RHBDD3: variants seen among roughly 807,000 people sequenced by gnomAD.
The protein encoded by RHBDD3 is rhomboid domain-containing protein 3.
Under a neutral mutation model 32.3 loss-of-function variants are expected in RHBDD3, and 34 were observed. The observed-to-expected ratio is 1.05, with a 90% CI of 0.80 to 1.40. The LOEUF is 1.40. Among genes scored for constraint, RHBDD3 ranks in the 40% most tolerant of loss-of-function variants. The pLI is 0.00. For missense variants in RHBDD3, 482 were observed against 492.6 expected (o/e 0.98, Z 0.20); for synonymous variants, 249 against 239.1 (o/e 1.04, Z -0.38).
In RHBDD3 at chr22:29,264,110, G is replaced by A. The variant is rs2272902; in HGVS notation, c.257C>T (p.Thr86Met). The change falls in exon 4 of 7, where the codon ACG becomes ATG. Residue 86 changes from threonine (T) to methionine (M), a missense_variant. By Grantham distance (81) the Thr-to-Met change is moderately conservative. Transcript: ENST00000216085. ...VGWQQECHLG[T>M]LRFLHASALL... ...GGCTGAGGCATGCAGGAATCTCAGC[G>A]TGCCCAGGTGGCACTCCTGCTGCCA... 9.7e-5 allele frequency: 154 copies of A among 1,585,694 alleles called. No homozygotes were observed. Among genetic ancestry groups the A allele is most frequent in the East Asian group, 6.4e-4 (28 of 43,858 alleles).
At position 29,260,770 on chromosome 22, in the gene RHBDD3, C is replaced by A. The variant is rs768809242; in HGVS notation, c.627G>T (p.Trp209Cys). 5.0e-6 allele frequency: 8 copies of A among 1,602,680 alleles called. No homozygotes were observed. The highest frequency in any genetic ancestry group is 6.8e-6 in the Non-Finnish European group (8 of 1,176,070). ...GVLCRTLAGCWPLRLLATPGS... is the reference protein window; with the variant it reads ...GVLCRTLAGCCPLRLLATPGS... ...CCGGGGTGGCAAGGAGCCTCAGGGG[C>A]CAGCACCCCGCCAAGGTCCTGCACA... is the stretch of plus-strand genomic sequence containing the variant. Residue 209 changes from tryptophan (W) to cysteine (C), a missense_variant, in exon 5 of 7, where the codon TGG (tryptophan) becomes TGT (cysteine). Coordinates refer to ENST00000216085, the MANE Select transcript of RHBDD3 (RefSeq NM_012265.3).
chr22:29,267,281 C>T (rs943405889), intron 2 of RHBDD3, 145 bp downstream of exon 2: 4 of 152,486 alleles, frequency 2.6e-5, no homozygotes, highest in Non-Finnish European at 4.4e-5. Flanking sequence ...CCTGCATCGA[C>T]ACCTCACAAC....
intron 2 of RHBDD3, 139 bp downstream of exon 2, chr22:29,267,287 A>G (rs1417007739): frequency 6.6e-6 from 1 of 152,540 alleles, no homozygotes; most frequent in Non-Finnish European, 1.5e-5. Flanking sequence ...TCGACACCTC[A>G]CAACCATTCC....
chr22:29,262,590 G>A lies in RHBDD3; in HGVS notation c.532+1245C>T, dbSNP rs566736000. Among the ~76,000 whole-genome samples the A allele has an allele frequency of 3.9e-5, 6 of 152,318 alleles. No individual in the cohort carries two copies. The East Asian group carries it at 1.2e-3, about 29-fold the overall frequency. On this transcript the variant is annotated intron_variant, in intron 4 of 6. Coordinates refer to ENST00000216085, the MANE Select transcript of RHBDD3 (RefSeq NM_012265.3). ...AATTTCTGCAACAACAACAAAGACA[G>A]CTGAGATTTTGATAAGAATTGTGTG...
intron 2 of RHBDD3, 35 bp from the exon 3 acceptor site, chr22:29,265,703 T>C: frequency 2.0e-6 from 3 of 1,492,730 alleles, no homozygotes; most frequent in Non-Finnish European, 1.8e-6. Flanking sequence ...AAGTTATTAC[T>C]GGAGCTTTTA....
chr22:29,260,613 C>A lies in RHBDD3; in HGVS notation c.696G>T (p.Arg232Ser). Residue 232 changes from arginine to serine, a missense_variant and splice_region_variant, in exon 6 of 7, where the codon AGG becomes AGT. Physicochemically the swap from Arg to Ser is moderately radical, Grantham distance 110. Coordinates refer to ENST00000216085, the MANE Select transcript of RHBDD3 (RefSeq NM_012265.3). ...CATAAGGCGGTCCAGGGATGGGAGG[C>A]CTGGAGGAGTGGGAAGAGAAGAGGG... ...ELPVTHPAGVRPPIPGPPYVA... is the reference protein window; with the variant it reads ...ELPVTHPAGVSPPIPGPPYVA... 6.3e-7 allele frequency: 1 copy of A among 1,586,330 alleles called. No individual in the cohort carries two copies. The highest frequency in any genetic ancestry group is 8.6e-7 in the Non-Finnish European group (1 of 1,165,310).
At chr22:29,267,056 T>C (rs1007522640) in intron 2 of RHBDD3, among the ~76,000 whole-genome samples, 1 of 152,130 alleles carries the variant, frequency 6.6e-6, no homozygotes, top group African/African-American at 2.4e-5. Flanking sequence ...TTCCCCAGGG[T>C]ATTCACAGCA....
At chr22:29,263,474 G>A (rs549790030) in intron 4 of RHBDD3, among the ~76,000 whole-genome samples, 32 of 152,342 alleles carry the variant, frequency 2.1e-4, no homozygotes, top group Non-Finnish European at 1.9e-4. Context: ...CACTGCGCCC[G>A]GTCAGGCTTT....
At position 29,260,677 on chromosome 22, in the gene RHBDD3, C is replaced by T. The variant is rs375086511; in HGVS notation, c.695+25G>A. 4.7e-4 allele frequency: 722 copies of T among 1,552,364 alleles called. 1 individual carries two copies. Among genetic ancestry groups the T allele is most frequent in the Admixed American group, 9.1e-4 (48 of 52,578 alleles). On this transcript the variant is annotated intron_variant, in intron 5 of 6. Transcript: ENST00000216085. ...CCTGCCACAGTGCCCACCACCTGGA[C>T]TGGCATCCCCCCCATCACCCTCACC...
In RHBDD3 at chr22:29,265,443, C is replaced by T. The variant is rs1182204501; in HGVS notation, c.148+36G>A. On this transcript the variant is annotated intron_variant, in intron 3 of 6. Coordinates refer to ENST00000216085, the MANE Select transcript of RHBDD3 (RefSeq NM_012265.3). ...TGGGCCCAGGCCCTACAGCAAGTCT[C>T]CTGCTTCCTCCAAGGTCCACGTGGC... 4.1e-6 allele frequency: 6 copies of T among 1,477,668 alleles called. No individual in the cohort carries two copies. In the African/African-American group the frequency reaches 7.3e-5, roughly 18 times the overall value. The allele number at this position is 1,477,668 out of a possible 1,614,324, so 91.5% of individuals were successfully genotyped here. A position where few individuals can be genotyped will look rare whatever the true frequency, so the allele number is the denominator to read the frequency against.
chr22:29,264,154 C>T lies in RHBDD3; in HGVS notation c.213G>A (p.Leu71=), dbSNP rs2058151455. Residue 71 remains leucine, a synonymous_variant, in exon 4 of 7, where the codon CTG becomes CTA. Transcript: ENST00000216085. ...GCTGCCAGCCCACAGTGGGCAGGAG[C>T]AGCAGGCTCAGGAGCAGGCCTGGCA... ...TALPGLLLSL[L]LLPTVGWQQE... The T allele has an allele frequency of 6.3e-7, 1 of 1,585,070 alleles. No homozygotes were observed. Among genetic ancestry groups the T allele is most frequent in the Non-Finnish European group, 8.6e-7 (1 of 1,167,206 alleles).
At chr22:29,266,141 A>G (rs1001671337) in intron 2 of RHBDD3, among the ~76,000 whole-genome samples, 1 of 152,198 alleles carries the variant, frequency 6.6e-6, no homozygotes, top group Non-Finnish European at 1.5e-5. Context: ...GCAGATGGGC[A>G]GAAGTCCCAC....
Position 29,264,377 on chromosome 22 carries a change from G to A in RHBDD3, c.149-159C>T, listed in dbSNP as rs1264981350. 11 of 1,428,736 alleles carry A rather than the reference G, an allele frequency of 7.7e-6. No individual in the cohort carries two copies. In the African/African-American group the frequency reaches 1.6e-4, roughly 21 times the overall value. The allele number at this position is 1,428,736 out of a possible 1,614,324, so 88.5% of individuals were successfully genotyped here. A position where few individuals can be genotyped will look rare whatever the true frequency, so the allele number is the denominator to read the frequency against. ...TTCCCACAGCCAGCACTTAATCATT[G>A]GTGGAAGGGACCAAGGACTTCCAAA... On this transcript the variant is annotated intron_variant, in intron 3 of 6. Coordinates refer to ENST00000216085, the MANE Select transcript of RHBDD3 (RefSeq NM_012265.3).
At chr22:29,260,989 G>T in intron 4 of RHBDD3, 125 bp from the exon 5 acceptor site, 8 of 953,778 alleles carry the variant, frequency 8.4e-6, no homozygotes, top group Non-Finnish European at 1.2e-5. Flanking sequence ...CCTCACTGTG[G>T]ACCAGCATGG....
rs753169220 is a variant in RHBDD3 at position 29,260,909 on chromosome 22, AGCCAGGGGTGG to A, written c.533-56_533-46del. ...CGGCCGGTCAAGGAAAACCAAAAGC[AGCCAGGGGTGG>A]GCCCACGCCACAGGCCAGGCCCCAT... On this transcript the variant is annotated intron_variant, in intron 4 of 6. Coordinates refer to ENST00000216085, the MANE Select transcript of RHBDD3 (RefSeq NM_012265.3). 3 of 1,497,850 alleles carry A rather than the reference AGCCAGGGGTGG, an allele frequency of 2.0e-6. No individual in the cohort carries two copies. The African/African-American group carries it at 4.2e-5, about 21-fold the overall frequency. The allele number at this position is 1,497,850 out of a possible 1,614,324, so 92.8% of individuals were successfully genotyped here.
Position 29,260,320 on chromosome 22 carries a change from C to G in RHBDD3, c.983+6G>C. 3 of 1,606,874 alleles carry G rather than the reference C, an allele frequency of 1.9e-6. No individual in the cohort carries two copies. Among genetic ancestry groups the G allele is most frequent in the East Asian group, 4.5e-5 (2 of 44,798 alleles). On this transcript the variant is annotated splice_donor_region_variant and intron_variant, in intron 6 of 6. Coordinates refer to ENST00000216085, the MANE Select transcript of RHBDD3 (RefSeq NM_012265.3). ...GGGGACCCCACCTCTGCCCACCCCACCTTACCGCAGAGAGGAGACAGAGGA... is the reference window on the plus strand; with the variant it reads ...GGGGACCCCACCTCTGCCCACCCCAGCTTACCGCAGAGAGGAGACAGAGGA...
chr22:29,265,772 A>T (rs1027140158), intron 2 of RHBDD3, 104 bp from the exon 3 acceptor site: 1 of 1,201,970 alleles, frequency 8.3e-7, no homozygotes, highest in African/African-American at 1.6e-5. Context: ...AGGTGGAAAC[A>T]GGCTGGAGAC....
At position 29,265,491 on chromosome 22, in the gene RHBDD3, C is replaced by G. The variant is rs1025396363; in HGVS notation, c.136G>C (p.Asp46His). The G allele has an allele frequency of 1.4e-5, 22 of 1,533,726 alleles. No homozygotes were observed. Among genetic ancestry groups the G allele is most frequent in the Non-Finnish European group, 1.9e-5 (22 of 1,148,250 alleles). The change falls in exon 3 of 7, where the codon GAC (aspartate) becomes CAC (histidine). Residue 46 changes from aspartate (D) to histidine (H), a missense_variant. Asp to His is a moderately conservative substitution (Grantham distance 81, BLOSUM62 -1). Coordinates refer to ENST00000216085, the MANE Select transcript of RHBDD3 (RefSeq NM_012265.3). ...GLVLAPELLL[D>H]PWQVHRLLTH... ...GGCTGGCCCTCACCCTGCCAGGGGT[C>G]CAGCAACAGCTCCGGGGCCAGGACC...
chr22:29,264,720 C>CAACA (rs1290776780), intron 3 of RHBDD3, among the ~76,000 whole-genome samples: 1 of 152,204 alleles, frequency 6.6e-6, no homozygotes, highest in Non-Finnish European at 1.5e-5. Flanking sequence ...CTCAAAACCC[C>CAACA]AACACCTCCT....
Sources: allele counts gnomAD v4.1 joint callset (sites outside exome capture counted in the v4.1 genomes callset), GRCh38; gene constraint gnomAD v4.1.1; transcripts MANE v1.5; gene names NCBI Gene and HGNC (gene_info 2026-07-23, HGNC 2026-07-21).